Variants in NALF1 observed in about 807,000 individuals in gnomAD.
The protein encoded by NALF1 is family with sequence similarity 155 member A.
NALF1 carries 3 observed loss-of-function variants against 48.4 expected under a neutral mutation model. The ratio of observed to expected loss-of-function variants is 0.06; its 90% CI spans 0.03 to 0.16. The LOEUF is 0.16. Among genes scored for constraint, NALF1 ranks in the 10% least tolerant of loss-of-function variants. The pLI, the probability that NALF1 is intolerant of heterozygous loss-of-function variation, is 1.00. For missense variants in NALF1, 526 were observed against 571.5 expected (o/e 0.92, Z 0.81); for synonymous variants, 262 against 245.7 (o/e 1.07, Z -0.62).
chr13:107,338,342 G>C (rs1043300375), intron 1 of NALF1, among the ~76,000 whole-genome samples: 1 of 152,134 alleles, frequency 6.6e-6, no homozygotes, highest in African/African-American at 2.4e-5. Flanking sequence ...CTGAGTACAA[G>C]TATGGGAAAT....
intron 1 of NALF1, among the ~76,000 whole-genome samples, chr13:107,581,469 A>G (rs1878307342): frequency 6.6e-6 from 1 of 152,190 alleles, no homozygotes; most frequent in Non-Finnish European, 1.5e-5. Flanking sequence ...GAAAGCAATC[A>G]CAGCATATCA....
intron 1 of NALF1, among the ~76,000 whole-genome samples, chr13:107,849,957 T>G (rs1454711347): frequency 6.6e-6 from 1 of 152,242 alleles, no homozygotes; most frequent in Non-Finnish European, 1.5e-5. Context: ...TTCAGGCTAA[T>G]ACTTTTAGTA....
chr13:107,830,248 C>A (rs114136029), intron 1 of NALF1, among the ~76,000 whole-genome samples: 10 of 152,322 alleles, frequency 6.6e-5, no homozygotes, highest in Non-Finnish European at 1.0e-4. Flanking sequence ...AAAGGCCAAT[C>A]ACCACTGTAT....
intron 1 of NALF1, among the ~76,000 whole-genome samples, chr13:107,677,431 G>GT (rs1225009904): frequency 6.6e-6 from 1 of 152,182 alleles, no homozygotes; most frequent in Non-Finnish European, 1.5e-5. Context: ...AGGTTAGACA[G>GT]TTTTGTAACT....
chr13:107,493,577 A>C (rs1053962484), intron 1 of NALF1, among the ~76,000 whole-genome samples: 8 of 152,188 alleles, frequency 5.3e-5, no homozygotes, highest in Non-Finnish European at 1.2e-4. Flanking sequence ...ACAAATTGCC[A>C]GTAAAAATAA....
intron 1 of NALF1, among the ~76,000 whole-genome samples, chr13:107,340,486 T>TCTCTC: frequency 3.4e-5 from 1 of 29,526 alleles, no homozygotes; most frequent in Admixed American, 4.7e-4. Context: ...TCTTTCTTTC[T>TCTCTC]TTTTGTCTTT....
chr13:107,849,387 A>C (rs1254401724), intron 1 of NALF1, among the ~76,000 whole-genome samples: 1 of 152,148 alleles, frequency 6.6e-6, no homozygotes, highest in African/African-American at 2.4e-5. Context: ...AGTTTGTAAG[A>C]CTTTGGGAAG....
intron 1 of NALF1, among the ~76,000 whole-genome samples, chr13:107,275,981 G>A (rs1271048613): frequency 1.3e-5 from 2 of 152,062 alleles, no homozygotes; most frequent in African/African-American, 4.8e-5. Flanking sequence ...CAACTGGGGG[G>A]TCTCAGTTCT....
chr13:107,838,866 C>T (rs566062621), intron 1 of NALF1, among the ~76,000 whole-genome samples: 1 of 152,158 alleles, frequency 6.6e-6, no homozygotes, highest in East Asian at 1.9e-4. Context: ...TATACGACAA[C>T]AAATCCTCTT....
chr13:107,322,394 TTTTAGATTCTC>T (rs1882274445), intron 1 of NALF1, among the ~76,000 whole-genome samples: 1 of 150,764 alleles, frequency 6.6e-6, no homozygotes, highest in Non-Finnish European at 1.5e-5. Flanking sequence ...CATATGCTAA[TTTTAGATTCTC>T]GTGATGACTT....
intron 1 of NALF1, among the ~76,000 whole-genome samples, chr13:107,354,322 G>A (rs980914974): frequency 6.6e-6 from 1 of 152,076 alleles, no homozygotes; most frequent in South Asian, 2.1e-4. Flanking sequence ...GGGACCCTGG[G>A]CCATGCAGGA....
At position 107,541,062 on chromosome 13, in the gene NALF1, A is replaced by G. The variant is rs150731347; in HGVS notation, c.915+324620T>C. On this transcript the variant is annotated intron_variant, in intron 1 of 2. Coordinates refer to ENST00000375915, the MANE Select transcript of NALF1 (RefSeq NM_001080396.3). ...AAAACAGCTCTGACAGCCTCTTGTA[A>G]TAAACAAAAACTGAAAAGCAAGATT... 3.4e-3 allele frequency among the ~76,000 whole-genome samples: 515 copies of G among 152,288 alleles called. 1 individual carries two copies. Among genetic ancestry groups the G allele is most frequent in the African/African-American group, 0.012 (493 of 41,574 alleles).
intron 1 of NALF1, among the ~76,000 whole-genome samples, chr13:107,756,246 G>A (rs750968179): frequency 1.8e-4 from 28 of 152,012 alleles, no homozygotes; most frequent in Non-Finnish European, 2.2e-4. Flanking sequence ...ATCTACAGGG[G>A]AAGGTGTCTT....
chr13:107,665,913 G>A (rs1880846698), intron 1 of NALF1, among the ~76,000 whole-genome samples: 1 of 152,100 alleles, frequency 6.6e-6, no homozygotes, highest in Non-Finnish European at 1.5e-5. Context: ...AGGGTCCTGG[G>A]AATTTAACCA....
chr13:107,559,470 C>G (rs1307114232), intron 1 of NALF1, among the ~76,000 whole-genome samples: 6 of 151,832 alleles, frequency 4.0e-5, no homozygotes, highest in Non-Finnish European at 8.8e-5. Flanking sequence ...AGTAAAAAAC[C>G]AATAATATCT....
chr13:107,203,857 G>A lies in NALF1; in HGVS notation c.1087+6727C>T, dbSNP rs192470725. ...GAAGCAGAAGGATAACTTGAACTAC[G>A]TTAGAATTTTCCCCAAAGGCTGTCG... On this transcript the variant is annotated intron_variant, in intron 2 of 2. Coordinates refer to ENST00000375915, the MANE Select transcript of NALF1 (RefSeq NM_001080396.3). Among the ~76,000 whole-genome samples, 79 of 152,376 alleles carry A rather than the reference G, an allele frequency of 5.2e-4. No homozygotes were observed. The Middle Eastern group carries it at 0.01, about 20-fold the overall frequency.
chr13:107,469,513 T>C (rs1783194554), intron 1 of NALF1, among the ~76,000 whole-genome samples: 1 of 152,118 alleles, frequency 6.6e-6, no homozygotes, highest in Non-Finnish European at 1.5e-5. Context: ...CTCAACTACC[T>C]TACATCAAAT....
At chr13:107,392,612 G>T (rs1883645672) in intron 1 of NALF1, among the ~76,000 whole-genome samples, 1 of 152,106 alleles carries the variant, frequency 6.6e-6, no homozygotes, top group Non-Finnish European at 1.5e-5. Context: ...AAGATTTGTG[G>T]TGATGGGCAG....
At chr13:107,716,485 G>A (rs1405865048) in intron 1 of NALF1, among the ~76,000 whole-genome samples, 1 of 152,214 alleles carries the variant, frequency 6.6e-6, no homozygotes, top group Admixed American at 6.5e-5. Context: ...GGCACAGCTT[G>A]ATGTGGGAGA....
Sources: gnomAD v4.1 joint callset for allele counts (sites outside exome capture counted in the v4.1 genomes callset) on GRCh38, gnomAD v4.1.1 for gene constraint, MANE v1.5 for transcripts, NCBI Gene and HGNC (gene_info 2026-07-23, HGNC 2026-07-21) for gene names.